Variants in TIAM1 observed in about 807,000 individuals in gnomAD.
The protein encoded by TIAM1 is rho guanine nucleotide exchange factor TIAM1.
TIAM1 carries 65 observed loss-of-function variants against 163.5 expected under a neutral mutation model. That is an observed-to-expected ratio of 0.40 (90% CI 0.33 to 0.49). The LOEUF (loss-of-function observed/expected upper bound fraction) is 0.49. Ranked by LOEUF, TIAM1 falls within the 20% of genes least tolerant of loss-of-function variation. The pLI is 0.77. For synonymous variants in TIAM1, 833 were observed against 810.1 expected (o/e 1.03, Z -0.48); for missense variants, 1,789 against 2,044.7 (o/e 0.87, Z 2.41).
chr21:31,273,063 T>G (rs2073133494), intron 3 of TIAM1, among the ~76,000 whole-genome samples: 1 of 151,956 alleles, frequency 6.6e-6, no homozygotes, highest in African/African-American at 2.4e-5. Flanking sequence ...GACCAAAAAG[T>G]AAACAAAAGC....
At chr21:31,315,697 AAAG>A (rs917244206) in intron 2 of TIAM1, among the ~76,000 whole-genome samples, 13 of 143,672 alleles carry the variant, frequency 9.0e-5, no homozygotes, top group Non-Finnish European at 1.5e-4. Flanking sequence ...AAAAAAAAAA[AAAG>A]GACAGGCGCA....
At chr21:31,424,014 G>A (rs1430686916) in intron 2 of TIAM1, among the ~76,000 whole-genome samples, 1 of 152,152 alleles carries the variant, frequency 6.6e-6, no homozygotes, top group Non-Finnish European at 1.5e-5. Context: ...GAATTGCACG[G>A]TGTGTGAATT....
intron 1 of TIAM1, among the ~76,000 whole-genome samples, chr21:31,497,946 C>T (rs1039544890): frequency 3.9e-5 from 6 of 152,288 alleles, no homozygotes; most frequent in Non-Finnish European, 7.4e-5. Flanking sequence ...GATTGACTTA[C>T]AAGCCACAAT....
intron 2 of TIAM1, among the ~76,000 whole-genome samples, chr21:31,455,097 G>T (rs751156734): frequency 6.8e-4 from 104 of 152,042 alleles, no homozygotes; most frequent in Non-Finnish European, 1.1e-3. Context: ...CCTGACCAAC[G>T]TGGAGAAACC....
intron 1 of TIAM1, among the ~76,000 whole-genome samples, chr21:31,492,704 G>A (rs1362545482): frequency 6.6e-6 from 1 of 151,804 alleles, no homozygotes; most frequent in Non-Finnish European, 1.5e-5. Context: ...TCCTGAGGCT[G>A]TGTCATGGGC....
In TIAM1 at chr21:31,266,413, T is replaced by A. The variant is rs752945272; in HGVS notation, c.560A>T (p.Asp187Val). Residue 187 changes from aspartate to valine, a missense_variant, in exon 4 of 28, where the codon GAT becomes GTT. Physicochemically the swap from Asp to Val is radical, Grantham distance 152 (BLOSUM62 -3). Around this residue, in one of 5 missense-constraint regions of TIAM1, gnomAD observed 555 missense variants for 564.9 expected, o/e 0.98. Transcript: ENST00000541036. ...REDSLEFSLS[D>V]LSQEHLTSNE... ...GCTTGTTAAATGTTCTTGGCTCAGA[T>A]CAGAGAGTGAGAATTCCAGGCTGTC... The A allele has an allele frequency of 3.7e-6, 6 of 1,614,116 alleles. No individual in the cohort carries two copies. The highest frequency in any genetic ancestry group is 5.1e-6 in the Non-Finnish European group (6 of 1,180,058).
chr21:31,537,094 C>T (rs1020174108), intron 1 of TIAM1, among the ~76,000 whole-genome samples: 3 of 152,318 alleles, frequency 2.0e-5, no homozygotes, highest in Non-Finnish European at 2.9e-5. Flanking sequence ...CCTCTGTCTT[C>T]GTGTGGCATT....
At position 31,120,117 on chromosome 21, in the gene TIAM1, GAATA is replaced by G. The variant is rs1212327011; in HGVS notation, c.*247_*250del. ...AATTGTTCAGGCCCTGATTTATTGA[GAATA>G]AATAAAAGCCCTTAGTAATATACAG... On this transcript the variant is annotated 3_prime_UTR_variant, in exon 28 of 28. Coordinates refer to ENST00000541036, the MANE Select transcript of TIAM1 (RefSeq NM_001353694.2). This position sits in a 1 kb window ranked among gnomAD's most constrained non-coding sequence, Gnocchi z 4.2. The G allele has an allele frequency of 2.3e-6, 1 of 429,866 alleles. No individual in the cohort carries two copies. The highest frequency in any genetic ancestry group is 4.1e-6 in the Non-Finnish European group (1 of 243,598). 26.6% of individuals were successfully genotyped at this position (429,866 alleles called of 1,614,324 possible).
In TIAM1 at chr21:31,378,525, G is replaced by A. The variant is rs79913329; in HGVS notation, c.-368-39103C>T. ...TTCACTAATTAACTTTCTTTGGTACGTTCCAGCCTGCTTCAAATCCGCAAG... is the reference window on the plus strand; with the variant it reads ...TTCACTAATTAACTTTCTTTGGTACATTCCAGCCTGCTTCAAATCCGCAAG... On this transcript the variant is annotated intron_variant, in intron 2 of 28. Coordinates refer to the TIAM1 transcript ENST00000286827. Among the ~76,000 whole-genome samples, 96 of 152,314 alleles carry A rather than the reference G, an allele frequency of 6.3e-4. 1 individual carries two copies. The East Asian group carries it at 0.017, about 27-fold the overall frequency.
intron 2 of TIAM1, among the ~76,000 whole-genome samples, chr21:31,355,872 C>A (rs1475676713): frequency 1.3e-5 from 2 of 152,116 alleles, no homozygotes; most frequent in Non-Finnish European, 2.9e-5. Flanking sequence ...CCTTTGTACA[C>A]ATGCTGAATA....
intron 1 of TIAM1, among the ~76,000 whole-genome samples, chr21:31,487,626 C>T (rs1467038206): frequency 1.1e-4 from 17 of 149,816 alleles, no homozygotes; most frequent in Admixed American, 4.0e-4. Flanking sequence ...GGCGCAATCT[C>T]GGCTCACTGC....
intron 2 of TIAM1, among the ~76,000 whole-genome samples, chr21:31,423,874 T>C (rs976088131): frequency 2.0e-3 from 85 of 42,670 alleles, no homozygotes; most frequent in African/African-American, 5.6e-3. Flanking sequence ...GGGGGGGGGG[T>C]CAAGGGAGTT....
chr21:31,257,833 A>C (rs544080793), intron 4 of TIAM1, among the ~76,000 whole-genome samples: 1 of 151,922 alleles, frequency 6.6e-6, no homozygotes, highest in East Asian at 1.9e-4. Flanking sequence ...TTTTACTACA[A>C]CCAGAAGGCT....
chr21:31,146,377 C>T (rs1413906750), intron 20 of TIAM1, among the ~76,000 whole-genome samples: 1 of 140,318 alleles, frequency 7.1e-6, no homozygotes, highest in Non-Finnish European at 1.5e-5. Flanking sequence ...AGGTTCCAGC[C>T]CAAGTGACAG....
intron 23 of TIAM1, among the ~76,000 whole-genome samples, chr21:31,134,565 C>T (rs534451120): frequency 6.6e-6 from 1 of 152,276 alleles, no homozygotes; most frequent in Admixed American, 6.5e-5. Context: ...GGCTGGAGTC[C>T]AGTGGAACGA....
At chr21:31,240,301 C>A (rs575688154) in intron 6 of TIAM1, among the ~76,000 whole-genome samples, 1 of 152,270 alleles carries the variant, frequency 6.6e-6, no homozygotes, top group South Asian at 2.1e-4. Flanking sequence ...TGGTCAAAAT[C>A]AACTTTTTCA....
intron 1 of TIAM1, among the ~76,000 whole-genome samples, chr21:31,526,512 G>A (rs115025991): frequency 8.7e-4 from 132 of 152,308 alleles, no homozygotes; most frequent in Middle Eastern, 3.4e-3. Context: ...AAATCACTTG[G>A]AGAGGAAATC....
At chr21:31,503,172 G>A (rs2046903563) in intron 1 of TIAM1, among the ~76,000 whole-genome samples, 1 of 151,858 alleles carries the variant, frequency 6.6e-6, no homozygotes, top group African/African-American at 2.4e-5. Context: ...CGGCGGGTGG[G>A]TCGTTTGAGA....
At chr21:31,297,179 G>A (rs2074309738) in intron 2 of TIAM1, among the ~76,000 whole-genome samples, 1 of 152,184 alleles carries the variant, frequency 6.6e-6, no homozygotes, top group Non-Finnish European at 1.5e-5. Flanking sequence ...TAAAATTAGA[G>A]GGTATACTTG....
Sources: allele counts gnomAD v4.1 joint callset (sites outside exome capture counted in the v4.1 genomes callset), GRCh38; gene constraint gnomAD v4.1.1; regional missense constraint gnomAD v4.1.1; non-coding constraint Gnocchi (gnomAD v3.1); transcripts MANE v1.5; gene names NCBI Gene and HGNC (gene_info 2026-07-23, HGNC 2026-07-21).